RGS7: variants seen among roughly 807,000 people sequenced by gnomAD.
The protein encoded by RGS7 is regulator of G protein signaling 7, also known as regulator of G-protein signaling 7.
In RGS7, 27 loss-of-function variants were observed where a neutral mutation model predicts 81.1. The observed-to-expected ratio is 0.33, with a 90% CI of 0.25 to 0.46. The LOEUF (loss-of-function observed/expected upper bound fraction) is 0.46. Ranked by LOEUF, RGS7 falls within the 20% of genes least tolerant of loss-of-function variation. The pLI is 1.00. For synonymous variants in RGS7, 208 were observed against 207.7 expected, an observed-to-expected ratio of 1.00 and a Z score of -0.01; for missense variants, 396 against 607.4, an observed-to-expected ratio of 0.65 and a Z score of 3.66.
chr1:240,876,274 A>C (rs1388414229), intron 6 of RGS7, among the ~76,000 whole-genome samples: 1 of 152,058 alleles, frequency 6.6e-6, no homozygotes, highest in African/African-American at 2.4e-5. Flanking sequence ...TCTTATCAGG[A>C]GTGAGATAAG....
intron 4 of RGS7, among the ~76,000 whole-genome samples, chr1:240,944,280 GTGTATATATATATATATATATATA>G (rs1219561199): frequency 4.7e-5 from 1 of 21,194 alleles, no homozygotes; most frequent in African/African-American, 1.6e-4. Flanking sequence ...GTGTGTGTGT[GTGTATATATATATATATATATATA>G]TATATATATA....
intron 2 of RGS7, among the ~76,000 whole-genome samples, chr1:241,115,920 CT>C (rs1162007450): frequency 1.3e-5 from 2 of 152,082 alleles, no homozygotes; most frequent in African/African-American, 4.8e-5. Context: ...GGATTTCCCC[CT>C]TGCTGTTCTT....
intron 18 of RGS7, among the ~76,000 whole-genome samples, 199 bp downstream of exon 18, chr1:240,800,442 A>G (rs1469333636): frequency 2.6e-5 from 4 of 152,138 alleles, no homozygotes; most frequent in South Asian, 2.1e-4. Flanking sequence ...CCCCACCACA[A>G]GGATCCTTGA....
At chr1:240,991,255 A>C (rs1217898435) in intron 3 of RGS7, among the ~76,000 whole-genome samples, 3 of 152,206 alleles carry the variant, frequency 2.0e-5, no homozygotes, top group South Asian at 4.1e-4. Flanking sequence ...TCATAAAAAT[A>C]TCTCTTCAGA....
At chr1:241,075,987 A>G (rs1394804595) in intron 3 of RGS7, among the ~76,000 whole-genome samples, 1 of 152,130 alleles carries the variant, frequency 6.6e-6, no homozygotes, top group Non-Finnish European at 1.5e-5. Flanking sequence ...TGATACATCC[A>G]TCACCCCATT....
rs1274693800 is a variant in RGS7 at position 241,074,578 on chromosome 1, C to T, written c.175+24088G>A. Among the ~76,000 whole-genome samples, 3 of 152,212 alleles carry T rather than the reference C, an allele frequency of 2.0e-5. No individual in the cohort carries two copies. The East Asian group carries it at 5.8e-4, about 29-fold the overall frequency. On this transcript the variant is annotated intron_variant, in intron 3 of 18. Transcript: ENST00000440928. Reference sequence around the variant, plus strand: ...TTCACGTTCAGACAGATTTCATTCTCGTGTTTACACCTAACAGCTTAGCAA... The same window carrying T: ...TTCACGTTCAGACAGATTTCATTCTTGTGTTTACACCTAACAGCTTAGCAA...
intron 3 of RGS7, among the ~76,000 whole-genome samples, chr1:241,025,394 T>C (rs1196202321): frequency 2.6e-5 from 4 of 152,212 alleles, no homozygotes; most frequent in African/African-American, 9.6e-5. Context: ...TTATTTTAGA[T>C]ATTATCATTA....
intron 6 of RGS7, chr1:240,920,020 A>G: frequency 8.0e-7 from 1 of 1,243,808 alleles, no homozygotes; most frequent in Admixed American, 1.7e-5. Context: ...CTAAGAGATT[A>G]TTTTGAACAG....
At chr1:240,915,831 TAAAA>T (rs1216743869) in intron 6 of RGS7, among the ~76,000 whole-genome samples, 1 of 150,762 alleles carries the variant, frequency 6.6e-6, no homozygotes, top group Non-Finnish European at 1.5e-5. Context: ...ATTCAAGAAA[TAAAA>T]AACATAATAG....
chr1:241,326,052 A>T (rs866187650), intron 2 of RGS7, among the ~76,000 whole-genome samples: 4 of 152,172 alleles, frequency 2.6e-5, no homozygotes, highest in African/African-American at 9.7e-5. Context: ...AGCAAAGGTC[A>T]CTTTCCCAGT....
At chr1:240,823,720 T>C (rs945156668) in intron 10 of RGS7, among the ~76,000 whole-genome samples, 6 of 152,170 alleles carry the variant, frequency 3.9e-5, no homozygotes, top group Non-Finnish European at 8.8e-5. Flanking sequence ...GTCTCCAGCC[T>C]GGTGGCCTCC....
At chr1:241,248,464 C>T (rs1038939760) in intron 2 of RGS7, among the ~76,000 whole-genome samples, 3 of 149,962 alleles carry the variant, frequency 2.0e-5, no homozygotes, top group Admixed American at 1.3e-4. Context: ...ATATTTTGGT[C>T]GTTTACATTT....
intron 2 of RGS7, among the ~76,000 whole-genome samples, chr1:241,192,159 GGTGTGTGTGT>G (rs58714151): frequency 0.019 from 2,328 of 121,974 alleles, 43 homozygotes; most frequent in African/African-American, 0.052. Context: ...AGAGAAAACA[GGTGTGTGTGT>G]GTGTGTGTGT....
intron 10 of RGS7, among the ~76,000 whole-genome samples, chr1:240,820,344 A>T (rs575450949): frequency 3.8e-4 from 58 of 152,282 alleles, no homozygotes; most frequent in African/African-American, 1.4e-3. Flanking sequence ...GCACTTTTTC[A>T]TATGCAGTGC....
chr1:241,063,548 T>C (rs1397036992), intron 3 of RGS7, among the ~76,000 whole-genome samples: 1 of 152,230 alleles, frequency 6.6e-6, no homozygotes, highest in Non-Finnish European at 1.5e-5. Flanking sequence ...ACACAGGGCC[T>C]GTTCTCTTTA....
At chr1:241,286,056 T>C (rs1410014534) in intron 2 of RGS7, among the ~76,000 whole-genome samples, 1 of 152,216 alleles carries the variant, frequency 6.6e-6, no homozygotes, top group East Asian at 1.9e-4. Flanking sequence ...ACTTTTTATT[T>C]TCTGCCAACT....
intron 2 of RGS7, among the ~76,000 whole-genome samples, chr1:241,331,016 G>A (rs183276450): frequency 5.9e-5 from 9 of 152,196 alleles, no homozygotes; most frequent in Admixed American, 5.2e-4. Context: ...ACTTTTCCAT[G>A]ATTCCTATAT....
chr1:240,777,474 G>A (rs1004525672), intron 18 of RGS7, among the ~76,000 whole-genome samples: 2 of 152,148 alleles, frequency 1.3e-5, no homozygotes, highest in African/African-American at 4.8e-5. Flanking sequence ...CACAGTCATA[G>A]CAATACTCTT....
intron 2 of RGS7, among the ~76,000 whole-genome samples, chr1:241,329,279 T>G (rs1417652009): frequency 6.6e-6 from 1 of 152,222 alleles, no homozygotes; most frequent in African/African-American, 2.4e-5. Flanking sequence ...AAATTTTGCA[T>G]ATTTACTTTG....
Sources: allele counts gnomAD v4.1 joint callset (sites outside exome capture counted in the v4.1 genomes callset), GRCh38; gene constraint gnomAD v4.1.1; transcripts MANE v1.5; gene names NCBI Gene and HGNC (gene_info 2026-07-23, HGNC 2026-07-21).